PTPRD: variants seen among roughly 807,000 people sequenced by gnomAD.
PTPRD encodes protein tyrosine phosphatase receptor type D, also known as receptor-type tyrosine-protein phosphatase delta.
In PTPRD, 34 loss-of-function variants were observed where a neutral mutation model predicts 214.5. The observed-to-expected ratio is 0.16, with a 90% CI of 0.12 to 0.21. The LOEUF is 0.21. PTPRD is among the 10% of genes least tolerant of loss of function. The probability of loss-of-function intolerance (pLI) is 1.00; values close to 1 mark genes in which losing one functional copy is unlikely to be tolerated. For synonymous variants in PTPRD, 1,128 were observed against 845.7 expected (o/e 1.33, Z -5.79); for missense variants, 2,545 against 2,398.7 (o/e 1.06, Z -1.27).
At chr9:8,610,746 T>C (rs1182814140) in intron 14 of PTPRD, among the ~76,000 whole-genome samples, 1 of 152,238 alleles carries the variant, frequency 6.6e-6, no homozygotes, top group Non-Finnish European at 1.5e-5. Flanking sequence ...TCCAGTCTAG[T>C]TCTGCTGTGT....
chr9:10,103,432 G>GAAT (rs1268799755), intron 3 of PTPRD, among the ~76,000 whole-genome samples: 4 of 131,270 alleles, frequency 3.0e-5, no homozygotes, highest in Non-Finnish European at 6.4e-5. Context: ...CTTTAAAAAT[G>GAAT]AATAAAAACC....
intron 11 of PTPRD, among the ~76,000 whole-genome samples, chr9:8,852,450 T>C (rs1390381760): frequency 6.6e-6 from 1 of 152,206 alleles, no homozygotes; most frequent in Non-Finnish European, 1.5e-5. Context: ...AGAGAAAGCC[T>C]TGACTCAGAT....
chr9:9,379,991 C>T (rs550790037), intron 9 of PTPRD, among the ~76,000 whole-genome samples: 40 of 151,632 alleles, frequency 2.6e-4, no homozygotes, highest in African/African-American at 9.2e-4. Flanking sequence ...TCATTTTTTT[C>T]TTTTCCCTTC....
intron 5 of PTPRD, among the ~76,000 whole-genome samples, chr9:9,809,264 AT>A (rs58701533): frequency 0.036 from 4,238 of 118,172 alleles, 78 homozygotes; most frequent in South Asian, 0.078. Context: ...GCCACAAGAG[AT>A]TTTTTTTTTT....
At chr9:9,735,948 T>C (rs1023318045) in intron 6 of PTPRD, among the ~76,000 whole-genome samples, 2 of 152,164 alleles carry the variant, frequency 1.3e-5, no homozygotes, top group Non-Finnish European at 2.9e-5. Flanking sequence ...CATGTAATTA[T>C]TACACAGATA....
intron 3 of PTPRD, among the ~76,000 whole-genome samples, chr9:10,323,143 C>A (rs1597099201): frequency 6.6e-6 from 1 of 151,672 alleles, no homozygotes; most frequent in Non-Finnish European, 1.5e-5. Context: ...TACATCAATT[C>A]TTTCTATTTT....
At chr9:8,359,160 TTTAGATTCGGCAGGGATC>T (rs2077800244) in intron 39 of PTPRD, among the ~76,000 whole-genome samples, 1 of 144,354 alleles carries the variant, frequency 6.9e-6, no homozygotes, top group Non-Finnish European at 1.5e-5. Flanking sequence ...TGAATCAGAT[TTTAGATTCGGCAGGGATC>T]TTAGAGATCT....
intron 7 of PTPRD, among the ~76,000 whole-genome samples, chr9:9,715,768 A>G (rs1388592097): frequency 6.6e-6 from 1 of 152,180 alleles, no homozygotes; most frequent in Non-Finnish European, 1.5e-5. Flanking sequence ...GCTGAAGACT[A>G]TTGTGTATTG....
At chr9:9,867,466 T>A (rs2064265567) in intron 5 of PTPRD, among the ~76,000 whole-genome samples, 1 of 148,960 alleles carries the variant, frequency 6.7e-6, no homozygotes, top group Non-Finnish European at 1.5e-5. Flanking sequence ...ATATGGTACA[T>A]AATAAACATA....
At chr9:8,321,549 C>A in intron 44 of PTPRD, among the ~76,000 whole-genome samples, 2 of 116,412 alleles carry the variant, frequency 1.7e-5, no homozygotes, top group African/African-American at 3.0e-5. Flanking sequence ...CATCGCAATT[C>A]CTTTAGCATT....
At chr9:9,837,955 T>C (rs569334415) in intron 5 of PTPRD, among the ~76,000 whole-genome samples, 25 of 152,226 alleles carry the variant, frequency 1.6e-4, no homozygotes, top group African/African-American at 6.0e-4. Context: ...AGTATGATGT[T>C]CCCCTTCCTG....
intron 8 of PTPRD, among the ~76,000 whole-genome samples, chr9:9,501,975 A>T (rs1158960012): frequency 6.6e-6 from 1 of 151,830 alleles, no homozygotes; most frequent in Non-Finnish European, 1.5e-5. Flanking sequence ...AACCCTCTTT[A>T]TTGAGGTATG....
chr9:9,234,931 C>G (rs2099965616), intron 9 of PTPRD, among the ~76,000 whole-genome samples: 1 of 152,190 alleles, frequency 6.6e-6, no homozygotes, highest in Non-Finnish European at 1.5e-5. Flanking sequence ...TCCAAAGTTG[C>G]TCTCACATTT....
chr9:10,545,791 T>C (rs951304928), intron 2 of PTPRD, among the ~76,000 whole-genome samples: 1 of 152,152 alleles, frequency 6.6e-6, no homozygotes, highest in Non-Finnish European at 1.5e-5. Flanking sequence ...ATAGAATTCT[T>C]GGCATTTCTT....
intron 11 of PTPRD, among the ~76,000 whole-genome samples, chr9:8,775,613 G>T (rs566161452): frequency 6.6e-6 from 1 of 152,214 alleles, no homozygotes; most frequent in South Asian, 2.1e-4. Context: ...AGAGTCAAGG[G>T]GTACATACAC....
chr9:9,799,117 G>A (rs894558196), intron 5 of PTPRD, among the ~76,000 whole-genome samples: 1 of 152,004 alleles, frequency 6.6e-6, no homozygotes, highest in African/African-American at 2.4e-5. Context: ...TGACCAGAAG[G>A]TTCCCTCCAA....
intron 3 of PTPRD, among the ~76,000 whole-genome samples, chr9:10,122,606 T>C (rs1034950145): frequency 6.6e-6 from 1 of 152,186 alleles, no homozygotes; most frequent in African/African-American, 2.4e-5. Context: ...CAATAAAAAC[T>C]TGATTATCAT....
chr9:9,064,003 T>C (rs1337659640), intron 10 of PTPRD, among the ~76,000 whole-genome samples: 3 of 152,190 alleles, frequency 2.0e-5, no homozygotes, highest in Non-Finnish European at 2.9e-5. Flanking sequence ...ATGGTTTTAA[T>C]ATATACTCAA....
chr9:10,028,217 CT>C (rs2154127664), intron 4 of PTPRD, among the ~76,000 whole-genome samples: 1 of 152,288 alleles, frequency 6.6e-6, no homozygotes, highest in South Asian at 2.1e-4. Context: ...TGCGTTTCAC[CT>C]TCTGCCATGA....
Sources: allele counts gnomAD v4.1 joint callset (sites outside exome capture counted in the v4.1 genomes callset), GRCh38; gene constraint gnomAD v4.1.1; transcripts MANE v1.5; gene names NCBI Gene and HGNC (gene_info 2026-07-23, HGNC 2026-07-21).